Variants in AGBL1 observed in about 807,000 individuals in gnomAD.
AGBL1 encodes AGBL carboxypeptidase 1.
In AGBL1, 130 loss-of-function variants were observed where a neutral mutation model predicts 118.9. The ratio of observed to expected loss-of-function variants is 1.09; its 90% CI spans 0.95 to 1.26. The LOEUF is 1.26. Ranked by LOEUF, AGBL1 falls within the 50% of genes most tolerant of loss-of-function variation. AGBL1 has a pLI of 0.00. For synonymous variants in AGBL1, 555 were observed against 478.9 expected, an observed-to-expected ratio of 1.16 and a Z score of -2.08; for missense variants, 1,584 against 1,298.1, an observed-to-expected ratio of 1.22 and a Z score of -3.38.
intron 22 of AGBL1, among the ~76,000 whole-genome samples, chr15:86,739,443 C>CAAAAAAAA (rs34530266): frequency 2.0e-4 from 13 of 66,466 alleles, no homozygotes; most frequent in East Asian, 4.4e-4. Context: ...AACTCCATCT[C>CAAAAAAAA]AAAAAAAAAA....
chr15:86,080,938 CGG>C (rs542077190), intron 1 of AGBL1, among the ~76,000 whole-genome samples: 1,402 of 132,856 alleles, frequency 0.011, 17 homozygotes, highest in Non-Finnish European at 0.016. Context: ...CTTGTGGGGG[CGG>C]GGGGGGGTCC....
intron 17 of AGBL1, among the ~76,000 whole-genome samples, chr15:86,365,048 C>CAA (rs2080867368): frequency 7.9e-6 from 1 of 127,110 alleles, no homozygotes; most frequent in African/African-American, 3.2e-5. Context: ...TATATACACA[C>CAA]ATATATATAC....
At position 86,364,953 on chromosome 15, in the gene AGBL1, T is replaced by TCA. The variant is rs200208327; in HGVS notation, c.2375-32408_2375-32407dup. Among the ~76,000 whole-genome samples the TCA allele has an allele frequency of 4.1e-3, 234 of 57,398 alleles. 7 individuals are homozygous for TCA. Among genetic ancestry groups the TCA allele is most frequent in the Middle Eastern group, 0.019 (2 of 108 alleles). The allele number at this position is 57,398 out of a possible 152,430, so 37.7% of individuals were successfully genotyped here. A position where few individuals can be genotyped will look rare whatever the true frequency, so the allele number is the denominator to read the frequency against. ...TGCAGGAGCCGCATTGATTTATATGTCACACATATATATATATATATATAT... is the reference window on the plus strand; with the variant it reads ...TGCAGGAGCCGCATTGATTTATATGTCACACACATATATATATATATATATAT... On this transcript the variant is annotated intron_variant, in intron 17 of 22. Transcript: ENST00000614907.
intron 19 of AGBL1, among the ~76,000 whole-genome samples, chr15:86,541,616 A>AG (rs1306866532): frequency 5.6e-4 from 54 of 97,038 alleles, no homozygotes; most frequent in African/African-American, 1.3e-3. Context: ...AAAAAAAAAA[A>AG]AGAGAGAGAG....
At chr15:86,762,872 C>T (rs1567162158) in intron 22 of AGBL1, among the ~76,000 whole-genome samples, 1 of 151,920 alleles carries the variant, frequency 6.6e-6, no homozygotes, top group African/African-American at 2.4e-5. Context: ...AAGAGGCCAC[C>T]TCCAAGAGAA....
chr15:86,704,565 A>T (rs571907165), intron 22 of AGBL1, among the ~76,000 whole-genome samples: 1 of 152,322 alleles, frequency 6.6e-6, no homozygotes, highest in East Asian at 1.9e-4. Flanking sequence ...GAGAAACGCA[A>T]ATCAAAACCA....
intron 1 of AGBL1, among the ~76,000 whole-genome samples, chr15:86,115,791 T>C (rs146798576): frequency 2.1e-4 from 32 of 152,330 alleles, no homozygotes; most frequent in African/African-American, 7.7e-4. Context: ...AGGGCAATGA[T>C]GCCCCAGCTA....
chr15:86,236,415 A>G (rs537025288), intron 6 of AGBL1, among the ~76,000 whole-genome samples: 1 of 151,956 alleles, frequency 6.6e-6, no homozygotes, highest in African/African-American at 2.4e-5. Context: ...CATTGCACAG[A>G]AGAAGAGAGA....
intron 17 of AGBL1, among the ~76,000 whole-genome samples, chr15:86,361,388 T>A (rs1318413098): frequency 6.6e-6 from 1 of 152,116 alleles, no homozygotes; most frequent in Admixed American, 6.5e-5. Context: ...TGGAAAATGT[T>A]CTATGTGCAA....
chr15:86,867,933 A>C (rs972348761), intron 22 of AGBL1, among the ~76,000 whole-genome samples: 1 of 152,214 alleles, frequency 6.6e-6, no homozygotes, highest in Admixed American at 6.5e-5. Flanking sequence ...TAGGGAATAA[A>C]GGAAATAGCA....
At chr15:86,742,557 T>A (rs1365881693) in intron 22 of AGBL1, among the ~76,000 whole-genome samples, 3 of 152,142 alleles carry the variant, frequency 2.0e-5, no homozygotes, top group Admixed American at 2.0e-4. Flanking sequence ...CCTACCCTCA[T>A]CTTCTGTTTG....
chr15:86,788,792 C>A (rs191547492), intron 22 of AGBL1, among the ~76,000 whole-genome samples: 1 of 152,094 alleles, frequency 6.6e-6, no homozygotes, highest in Non-Finnish European at 1.5e-5. Flanking sequence ...CTCTAAGGTA[C>A]AAACATTTGA....
At chr15:86,369,257 G>A (rs2080934955) in intron 17 of AGBL1, among the ~76,000 whole-genome samples, 1 of 152,148 alleles carries the variant, frequency 6.6e-6, no homozygotes, top group South Asian at 2.1e-4. Flanking sequence ...ATTTGATAAA[G>A]CAAACTCGAG....
chr15:86,341,869 T>A (rs1014133805), intron 17 of AGBL1, among the ~76,000 whole-genome samples: 2 of 152,156 alleles, frequency 1.3e-5, no homozygotes, highest in Admixed American at 6.6e-5. Context: ...CACTTTTTTT[T>A]AAGACCACCT....
intron 23 of AGBL1, among the ~76,000 whole-genome samples, chr15:86,941,715 T>C (rs1444971422): frequency 1.3e-5 from 2 of 152,206 alleles, no homozygotes; most frequent in African/African-American, 4.8e-5. Flanking sequence ...GGAGGCACTC[T>C]ACAACAAAGT....
At chr15:86,728,337 C>T (rs1446274398) in intron 22 of AGBL1, among the ~76,000 whole-genome samples, 1 of 152,136 alleles carries the variant, frequency 6.6e-6, no homozygotes, top group Non-Finnish European at 1.5e-5. Context: ...AAATGAGTTC[C>T]TTTCCATTTG....
intron 22 of AGBL1, among the ~76,000 whole-genome samples, chr15:86,807,531 A>G (rs1409246496): frequency 6.6e-6 from 1 of 151,920 alleles, no homozygotes; most frequent in Non-Finnish European, 1.5e-5. Flanking sequence ...GTGGAATTGG[A>G]ACCTGTTTTA....
chr15:86,975,743 T>C (rs2081171025), intron 23 of AGBL1, among the ~76,000 whole-genome samples: 1 of 152,164 alleles, frequency 6.6e-6, no homozygotes, highest in Non-Finnish European at 1.5e-5. Flanking sequence ...CAACCTGTCT[T>C]TCAGCTTAAA....
intron 18 of AGBL1, among the ~76,000 whole-genome samples, chr15:86,438,239 A>T (rs4887458): frequency 0.43 from 64,842 of 151,888 alleles, 14,488 homozygotes; most frequent in East Asian, 0.82. Flanking sequence ...GGTGAATGTT[A>T]TAGGTGGATT....
Sources: gnomAD v4.1 joint callset for allele counts (sites outside exome capture counted in the v4.1 genomes callset) on GRCh38, gnomAD v4.1.1 for gene constraint, MANE v1.5 for transcripts, NCBI Gene and HGNC (gene_info 2026-07-23, HGNC 2026-07-21) for gene names.